The following EPB41L4B variants were observed in gnomAD, a reference collection of about 807,000 sequenced individuals.
EPB41L4B encodes band 4.1-like protein 4B.
A neutral mutation model predicts 112.5 loss-of-function variants in EPB41L4B; 30 were observed. That is an observed-to-expected ratio of 0.27 (90% confidence interval 0.20 to 0.36). The LOEUF is 0.36. EPB41L4B is among the 10% of genes least tolerant of loss of function. The pLI, the probability that EPB41L4B is intolerant of heterozygous loss-of-function variation, is 1.00. For synonymous variants in EPB41L4B, 408 were observed against 439.7 expected (o/e 0.93, Z 0.90); for missense variants, 1,024 against 1,133.3 (o/e 0.90, Z 1.38).
intron 1 of EPB41L4B, among the ~76,000 whole-genome samples, chr9:109,316,098 G>C (rs899289520): frequency 1.3e-5 from 2 of 152,218 alleles, no homozygotes; most frequent in African/African-American, 4.8e-5. Context: ...CCATTTGAAA[G>C]ATCAGGAAGT....
At chr9:109,319,133 G>T (rs956946672) in intron 1 of EPB41L4B, among the ~76,000 whole-genome samples, 1 of 152,240 alleles carries the variant, frequency 6.6e-6, no homozygotes, top group Non-Finnish European at 1.5e-5. Context: ...CGAAGGCACC[G>T]TCTGCCGCAG....
At chr9:109,236,200 T>C (rs1834135265) in intron 15 of EPB41L4B, among the ~76,000 whole-genome samples, 1 of 152,192 alleles carries the variant, frequency 6.6e-6, no homozygotes, top group Non-Finnish European at 1.5e-5. Context: ...CCCTAGTCCC[T>C]TGCTTCTGAA....
At chr9:109,239,343 G>C (rs1834272066) in intron 15 of EPB41L4B, among the ~76,000 whole-genome samples, 1 of 152,190 alleles carries the variant, frequency 6.6e-6, no homozygotes. Flanking sequence ...GAGGGTAAAA[G>C]ATGATCGATT....
chr9:109,267,676 G>A lies in EPB41L4B; in HGVS notation c.455-125C>T, dbSNP rs1006957821. 25 of 628,104 alleles carry A rather than the reference G, an allele frequency of 4.0e-5. 1 individual carries two copies. The Admixed American group carries it at 5.8e-4, about 15-fold the overall frequency. The allele number at this position is 628,104 out of a possible 1,614,324, so 38.9% of individuals were successfully genotyped here. On this transcript the variant is annotated intron_variant, in intron 3 of 25. Transcript: ENST00000374566. ...CACAACATCAGGACAGCATAACTGG[G>A]CACGCGACACTAGCCAATTCTTTTC...
rs1468881162 is a variant in EPB41L4B, at chr9:109,280,546, T to A, written c.307-625A>T. On this transcript the variant is annotated intron_variant, in intron 1 of 25. Coordinates refer to ENST00000374566, the MANE Select transcript of EPB41L4B (RefSeq NM_019114.5). Reference sequence around the variant, plus strand: ...GTCCTGCATCTGCCACTTGACTTCGTACAAGTCACTCCTCCTAACGTTTCT... The same window carrying A: ...GTCCTGCATCTGCCACTTGACTTCGAACAAGTCACTCCTCCTAACGTTTCT... Among the ~76,000 whole-genome samples, 5 of 152,162 alleles carry A rather than the reference T, an allele frequency of 3.3e-5. No homozygotes were observed. The East Asian group carries it at 9.6e-4, about 29-fold the overall frequency.
At chr9:109,298,327 T>TA (rs398011825) in intron 1 of EPB41L4B, among the ~76,000 whole-genome samples, 1 of 150,774 alleles carries the variant, frequency 6.6e-6, no homozygotes, top group Admixed American at 6.6e-5. Flanking sequence ...TTTTTTTTTT[T>TA]CCCCAAGACA....
intron 15 of EPB41L4B, among the ~76,000 whole-genome samples, chr9:109,225,377 A>C (rs1564278085): frequency 6.6e-6 from 1 of 152,248 alleles, no homozygotes; most frequent in African/African-American, 2.4e-5. Context: ...GGCAATTTAC[A>C]AAAGAAAGAG....
chr9:109,187,289 T>C (rs556270181), intron 22 of EPB41L4B, among the ~76,000 whole-genome samples: 1 of 152,308 alleles, frequency 6.6e-6, no homozygotes, highest in East Asian at 1.9e-4. Context: ...GATCTATCTC[T>C]GTCCTCTTTA....
intron 25 of EPB41L4B, among the ~76,000 whole-genome samples, chr9:109,174,849 A>G (rs1289976438): frequency 6.6e-6 from 1 of 150,778 alleles, no homozygotes; most frequent in Non-Finnish European, 1.5e-5. Context: ...ACTATATGTC[A>G]TTCATCTCTA....
At chr9:109,311,866 C>T (rs538213135) in intron 1 of EPB41L4B, among the ~76,000 whole-genome samples, 9 of 152,268 alleles carry the variant, frequency 5.9e-5, no homozygotes, top group Middle Eastern at 3.4e-3. Context: ...ATCTGCTCTC[C>T]GAGACCATCT....
At chr9:109,239,039 G>A (rs900531867) in intron 15 of EPB41L4B, among the ~76,000 whole-genome samples, 4 of 152,188 alleles carry the variant, frequency 2.6e-5, no homozygotes, top group African/African-American at 9.6e-5. Flanking sequence ...GGCACAGGCC[G>A]ACTGTGTTTT....
chr9:109,299,350 A>C (rs1836867363), intron 1 of EPB41L4B, among the ~76,000 whole-genome samples: 1 of 152,102 alleles, frequency 6.6e-6, no homozygotes, highest in African/African-American at 2.4e-5. Flanking sequence ...ATCATGGCTC[A>C]CTGCAGCCTT....
chr9:109,269,044 C>T lies in EPB41L4B; in HGVS notation c.412-611G>A, dbSNP rs566696771. 2.6e-5 allele frequency among the ~76,000 whole-genome samples: 4 copies of T among 152,268 alleles called. No homozygotes were observed. The East Asian group carries it at 7.7e-4, about 29-fold the overall frequency. On this transcript the variant is annotated intron_variant, in intron 2 of 25. Coordinates refer to ENST00000374566, the MANE Select transcript of EPB41L4B (RefSeq NM_019114.5). The stretch of plus-strand genomic sequence containing the variant: ...AATTGATCAGCAGAATCACCAACTG[C>T]CTTTTCCTTCTGAGTTTCTCAAGTT...
chr9:109,287,866 T>C (rs1836358154), intron 1 of EPB41L4B, among the ~76,000 whole-genome samples: 2 of 152,146 alleles, frequency 1.3e-5, no homozygotes, highest in African/African-American at 4.8e-5. Flanking sequence ...CCTCCCAAAG[T>C]GCTGGGATTA....
intron 15 of EPB41L4B, among the ~76,000 whole-genome samples, chr9:109,225,512 T>C (rs993595119): frequency 2.0e-5 from 3 of 152,188 alleles, no homozygotes; most frequent in Non-Finnish European, 4.4e-5. Context: ...GAAACTCTTA[T>C]AAAACCATCG....
rs1831854222 is a variant in EPB41L4B at position 109,176,691 on chromosome 9, G to C, written c.2493C>G (p.Asp831Glu). 2 of 1,612,764 alleles carry C rather than the reference G, an allele frequency of 1.2e-6. No individual in the cohort carries two copies. The highest frequency in any genetic ancestry group is 1.7e-6 in the Non-Finnish European group (2 of 1,179,714). ...AGCACTGTAATTTACTGTCTCTGAA[G>C]TCTGCCTGGAGAAGAAACAGGAAAG... ...TFTTGPQFTA[D>E]FRDSKLQCCP... Residue 831 changes from aspartate to glutamate, a missense_variant, in exon 25 of 26, where the codon GAC becomes GAG. Coordinates refer to ENST00000374566, the MANE Select transcript of EPB41L4B (RefSeq NM_019114.5).
chr9:109,177,525 T>C (rs1006510534), intron 24 of EPB41L4B, among the ~76,000 whole-genome samples: 3 of 152,144 alleles, frequency 2.0e-5, no homozygotes, highest in African/African-American at 2.4e-5. Context: ...TTAGAAGATA[T>C]ATAAAAGTAG....
chr9:109,213,585 A>G, intron 17 of EPB41L4B, 115 bp downstream of exon 17: 2 of 762,572 alleles, frequency 2.6e-6, no homozygotes, highest in Non-Finnish European at 4.5e-6. Context: ...GAAAGATGGA[A>G]TAGAGATCCC....
At chr9:109,194,527 C>T (rs1372135869) in intron 20 of EPB41L4B, 130 bp from the exon 21 acceptor site, 2 of 947,398 alleles carry the variant, frequency 2.1e-6, no homozygotes, top group African/African-American at 1.6e-5. Context: ...AGATGTCCAC[C>T]AGATGTCCAG....
Sources: allele counts gnomAD v4.1 joint callset (sites outside exome capture counted in the v4.1 genomes callset), GRCh38; gene constraint gnomAD v4.1.1; transcripts MANE v1.5; gene names NCBI Gene and HGNC (gene_info 2026-07-23, HGNC 2026-07-21).